RHBG: variants seen among roughly 807,000 people sequenced by gnomAD.
The protein encoded by RHBG is ammonium transporter Rh type B.
RHBG carries 39 observed loss-of-function variants against 40.1 expected under a neutral mutation model. The ratio of observed to expected loss-of-function variants is 0.97; its 90% CI spans 0.75 to 1.27. The LOEUF (loss-of-function observed/expected upper bound fraction) is 1.27, where lower values mean the gene tolerates loss of function less well. Ranked by LOEUF, RHBG falls within the 50% of genes most tolerant of loss-of-function variation. The pLI is 0.00. For synonymous variants in RHBG, 237 were observed against 252.5 expected (o/e 0.94, Z 0.58); for missense variants, 549 against 588.1 (o/e 0.93, Z 0.69).
chr1:156,382,029 A>T (rs1186960583), intron 6 of RHBG, 39 bp from the exon 7 acceptor site: 32 of 1,609,710 alleles, frequency 2.0e-5, no homozygotes, highest in Non-Finnish European at 2.6e-5. Context: ...GGTGGTGGGG[A>T]GTGGGCACAG....
At chr1:156,379,412 T>A (rs1461562568) in intron 4 of RHBG, among the ~76,000 whole-genome samples, 1 of 152,176 alleles carries the variant, frequency 6.6e-6, no homozygotes, top group African/African-American at 2.4e-5. Flanking sequence ...AGGTATTGAA[T>A]AGGGACTGAA....
chr1:156,378,653 T>C (rs1465294124), intron 4 of RHBG, among the ~76,000 whole-genome samples: 1 of 151,936 alleles, frequency 6.6e-6, no homozygotes, highest in East Asian at 1.9e-4. Context: ...CTTAAAACCT[T>C]CCAGGGCTCC....
intron 8 of RHBG, among the ~76,000 whole-genome samples, chr1:156,384,187 A>G (rs1667878969): frequency 6.6e-6 from 1 of 152,244 alleles, no homozygotes. Flanking sequence ...AAAGCTCAGC[A>G]GCTGTGGTTC....
intron 8 of RHBG, 84 bp downstream of exon 8, chr1:156,382,953 G>A (rs1347417708): frequency 1.3e-6 from 2 of 1,580,146 alleles, no homozygotes; most frequent in African/African-American, 2.7e-5. Flanking sequence ...GATATTTATG[G>A]AGCATCTACT....
chr1:156,381,876 C>A lies in RHBG; in HGVS notation c.911C>A (p.Pro304His). ...VGTSSEMMLT[P>H]FGALAAGFLA... ...ACCTCAAGTGAAATGATGCTGACAC[C>A]CTTTGGGGCTCTGGCAGCTGGCTTC... The change falls in exon 6 of 10, where the codon CCC becomes CAC. Residue 304 changes from proline (P) to histidine (H), a missense_variant. By Grantham distance (77) the Pro-to-His change is moderately conservative. Around this residue, in one of 3 missense-constraint regions of RHBG, gnomAD observed 399 missense variants for 417.0 expected, o/e 0.96. Coordinates refer to ENST00000537040, the MANE Select transcript of RHBG (RefSeq NM_020407.5). 1 of 1,604,262 alleles carries A rather than the reference C, an allele frequency of 6.2e-7. No homozygotes were observed. Among genetic ancestry groups the A allele is most frequent in the Non-Finnish European group, 8.5e-7 (1 of 1,177,862 alleles).
At chr1:156,374,475 T>C (rs1358193309) in intron 1 of RHBG, 1 of 302,854 alleles carries the variant, frequency 3.3e-6, no homozygotes, top group African/African-American at 2.3e-5. Context: ...GCAACTTTTT[T>C]TTAGCTTCCA....
intron 1 of RHBG, among the ~76,000 whole-genome samples, chr1:156,375,922 T>C (rs894625995): frequency 6.6e-6 from 1 of 151,962 alleles, no homozygotes; most frequent in African/African-American, 2.4e-5. Context: ...ATTATTGTTT[T>C]ATATAAATGG....
chr1:156,375,145 C>T (rs1364135381), intron 1 of RHBG, among the ~76,000 whole-genome samples: 1 of 151,960 alleles, frequency 6.6e-6, no homozygotes, highest in African/African-American at 2.4e-5. Context: ...TATCTTAGCT[C>T]ACTGTAACCT....
chr1:156,373,752 A>G (rs1667003014), intron 1 of RHBG, among the ~76,000 whole-genome samples: 1 of 152,194 alleles, frequency 6.6e-6, no homozygotes, highest in Admixed American at 6.6e-5. Flanking sequence ...AATGGTCAGG[A>G]GCCCTTGGAC....
intron 1 of RHBG, among the ~76,000 whole-genome samples, chr1:156,373,763 C>A (rs1056853381): frequency 1.3e-5 from 2 of 152,100 alleles, no homozygotes; most frequent in Non-Finnish European, 2.9e-5. Flanking sequence ...GCCCTTGGAC[C>A]CAACACCCTT....
At position 156,377,370 on chromosome 1, in the gene RHBG, G is replaced by A. The variant is rs766443296; in HGVS notation, c.257G>A (p.Gly86Asp). 6.2e-7 allele frequency: 1 copy of A among 1,614,140 alleles called. No individual in the cohort carries two copies. ...GFLMVFLQRYGFSSVGFTFLL... is the reference protein window; with the variant it reads ...GFLMVFLQRYDFSSVGFTFLL... ...CTCATGGTCTTCCTGCAGCGTTACGGCTTCAGCAGCGTGGGCTTCACCTTC... is the reference window on the plus strand; with the variant it reads ...CTCATGGTCTTCCTGCAGCGTTACGACTTCAGCAGCGTGGGCTTCACCTTC... Residue 86 changes from glycine to aspartate, a missense_variant, in exon 2 of 10, where the codon GGC becomes GAC. Gly to Asp is a moderately conservative substitution (Grantham distance 94). This residue lies in a region of RHBG where 51 missense variants were observed against 85.9 expected (regional missense o/e 0.59). Coordinates refer to ENST00000537040, the MANE Select transcript of RHBG (RefSeq NM_020407.5). This position sits in a 1 kb window ranked among gnomAD's most constrained non-coding sequence, Gnocchi z 4.6.
chr1:156,373,760 G>T (rs1667003752), intron 1 of RHBG, among the ~76,000 whole-genome samples: 1 of 152,168 alleles, frequency 6.6e-6, no homozygotes, highest in African/African-American at 2.4e-5. Flanking sequence ...GGAGCCCTTG[G>T]ACCCAACACC....
intron 5 of RHBG, 127 bp downstream of exon 5, chr1:156,381,640 C>T: frequency 7.2e-7 from 1 of 1,387,190 alleles, no homozygotes; most frequent in South Asian, 1.4e-5. Context: ...TCCATCTGTG[C>T]TGGTGGCTAT....
In RHBG at chr1:156,377,405, G is replaced by C. The variant is rs778570447; in HGVS notation, c.292G>C (p.Ala98Pro). Residue 98 changes from alanine to proline, a missense_variant, in exon 2 of 10, where the codon GCC (alanine) becomes CCC (proline). Ala to Pro is a conservative substitution (Grantham distance 27). Coordinates refer to ENST00000537040, the MANE Select transcript of RHBG (RefSeq NM_020407.5). The surrounding 1 kb of genome is among the most constrained non-coding windows in gnomAD (Gnocchi z 4.6). ...SSVGFTFLLA[A>P]FALQWSTLVQ... ...CGTGGGCTTCACCTTCCTCCTGGCC[G>C]CCTTTGCCCTGCAGTGGTCCACACT... The C allele has an allele frequency of 6.2e-7, 1 of 1,614,170 alleles. No homozygotes were observed.
chr1:156,378,744 G>T (rs182413152), intron 4 of RHBG, among the ~76,000 whole-genome samples: 9 of 152,236 alleles, frequency 5.9e-5, no homozygotes. Context: ...TCAGGCTCCA[G>T]CCAGACTCAG....
At chr1:156,378,821 G>T (rs1002722928) in intron 4 of RHBG, among the ~76,000 whole-genome samples, 2 of 151,998 alleles carry the variant, frequency 1.3e-5, no homozygotes, top group Non-Finnish European at 2.9e-5. Flanking sequence ...ATCTCTGCCG[G>T]CCCCTGGTGC....
rs1038020138 is a variant in RHBG at position 156,381,862 on chromosome 1, A to C, written c.897A>C (p.Glu299Asp). Residue 299 changes from glutamate (E) to aspartate (D), a missense_variant, in exon 6 of 10, where the codon GAA becomes GAC. Coordinates refer to ENST00000537040, the MANE Select transcript of RHBG (RefSeq NM_020407.5). ...AGGVVVGTSS[E>D]MMLTPFGALA... ...GGGTTGTGGTGGGGACCTCAAGTGA[A>C]ATGATGCTGACACCCTTTGGGGCTC... 2 of 1,599,752 alleles carry C rather than the reference A, an allele frequency of 1.3e-6. No individual in the cohort carries two copies.
intron 1 of RHBG, chr1:156,374,490 T>A: frequency 3.1e-6 from 1 of 325,826 alleles, no homozygotes; most frequent in South Asian, 2.3e-5. Context: ...CTTCCACATA[T>A]GAGTGAGAAC....
intron 7 of RHBG, 54 bp downstream of exon 7, chr1:156,382,255 G>A (rs1351683128): frequency 1.4e-5 from 23 of 1,609,908 alleles, no homozygotes; most frequent in Non-Finnish European, 2.0e-5. Flanking sequence ...AATGACCTCT[G>A]TCATTCTCTT....
Sources: gnomAD v4.1 joint callset for allele counts (sites outside exome capture counted in the v4.1 genomes callset) on GRCh38, gnomAD v4.1.1 for gene constraint, gnomAD v4.1.1 regional missense constraint, Gnocchi (gnomAD v3.1) non-coding constraint, MANE v1.5 for transcripts, NCBI Gene and HGNC (gene_info 2026-07-23, HGNC 2026-07-21) for gene names.